Variants in NFAM1 observed in about 807,000 individuals in gnomAD.
NFAM1 encodes the protein NFAT activation molecule 1.
Under a neutral mutation model 29.0 loss-of-function variants are expected in NFAM1, and 17 were observed. That is an observed-to-expected ratio of 0.59 (90% CI 0.40 to 0.88). The LOEUF (loss-of-function observed/expected upper bound fraction) is 0.88. Among genes scored for constraint, NFAM1 ranks in the 40% least tolerant of loss-of-function variants. NFAM1 has a pLI of 0.00. For missense variants in NFAM1, 324 were observed against 344.6 expected, an observed-to-expected ratio of 0.94 and a Z score of 0.47; for synonymous variants, 175 against 147.2, an observed-to-expected ratio of 1.19 and a Z score of -1.36.
chr22:42,425,176 G>T (rs1025237474), intron 1 of NFAM1, among the ~76,000 whole-genome samples: 6 of 151,974 alleles, frequency 3.9e-5, no homozygotes, highest in Non-Finnish European at 5.9e-5. Flanking sequence ...ACAAACCTCG[G>T]CCCCCCAAAG....
chr22:42,429,531 G>A (rs1480891477), intron 1 of NFAM1, among the ~76,000 whole-genome samples: 2 of 152,170 alleles, frequency 1.3e-5, no homozygotes, highest in African/African-American at 4.8e-5. Context: ...CAGGAGAATC[G>A]CTTGAACCTG....
chr22:42,394,966 A>C (rs1353145077), intron 4 of NFAM1, among the ~76,000 whole-genome samples: 2 of 152,024 alleles, frequency 1.3e-5, no homozygotes, highest in Non-Finnish European at 1.5e-5. Context: ...AAAAATTAAA[A>C]AACTCAAAAC....
rs1366972687 is a variant in NFAM1, at chr22:42,394,992, A to C, written c.663+2866T>G. On this transcript the variant is annotated intron_variant, in intron 4 of 5. Transcript: ENST00000329021. ...AACTCAAAACCAGCCTGGGCAATAT[A>C]GTGAGACCTTGTCTCTACAAAAAAT... 3.3e-5 allele frequency among the ~76,000 whole-genome samples: 5 copies of C among 152,014 alleles called. No individual in the cohort carries two copies. The East Asian group carries it at 5.8e-4, about 18-fold the overall frequency.
At chr22:42,433,832 A>G (rs1930876820), upstream of NFAM1, among the ~76,000 whole-genome samples, 1 of 152,314 alleles carries the variant, frequency 6.6e-6, no homozygotes, top group Admixed American at 6.5e-5. Context: ...GCTTCACGCT[A>G]TTCCTGGCTC....
intron 1 of NFAM1, 54 bp downstream of exon 1, chr22:42,432,183 C>G: frequency 6.7e-7 from 1 of 1,483,492 alleles, no homozygotes; most frequent in Non-Finnish European, 9.2e-7. Flanking sequence ...GGATGAAAGC[C>G]GCTCTGATGT....
intron 3 of NFAM1, among the ~76,000 whole-genome samples, chr22:42,407,431 T>G (rs138859288): frequency 0.011 from 1,658 of 152,042 alleles, 37 homozygotes; most frequent in African/African-American, 0.038. Flanking sequence ...TGCACTGGTG[T>G]GATCTCAGCT....
chr22:42,435,501 C>A (rs1930917720), upstream of NFAM1, among the ~76,000 whole-genome samples: 1 of 152,020 alleles, frequency 6.6e-6, no homozygotes, highest in Non-Finnish European at 1.5e-5. Flanking sequence ...GCATGTGCCA[C>A]CACGCCCGGC....
chr22:42,403,192 G>C lies in NFAM1; in HGVS notation c.565-5236C>G, dbSNP rs534078374. ...AGCTCCTCTGTTTGGCATCCCCACT[G>C]GGGAAACCGAAGCCTGGAGCACCCA... On this transcript the variant is annotated intron_variant, in intron 3 of 5. Coordinates refer to ENST00000329021, the MANE Select transcript of NFAM1 (RefSeq NM_145912.8). 2.0e-5 allele frequency among the ~76,000 whole-genome samples: 3 copies of C among 152,172 alleles called. No individual in the cohort carries two copies. In the South Asian group the frequency reaches 6.2e-4, roughly 32 times the overall value.
the NFAM1 span, among the ~76,000 whole-genome samples, chr22:42,437,468 C>T: frequency 1.3e-5 from 2 of 152,250 alleles, no homozygotes; most frequent in East Asian, 1.9e-4. Flanking sequence ...TATTCCACGT[C>T]CACCATGTGC....
intron 1 of NFAM1, among the ~76,000 whole-genome samples, chr22:42,412,977 G>A (rs1930144675): frequency 6.6e-6 from 1 of 152,178 alleles, no homozygotes; most frequent in Admixed American, 6.5e-5. Context: ...CCCTGCCTGG[G>A]GGGCTCTAAC....
chr22:42,410,046 C>T (rs948786167), intron 2 of NFAM1, among the ~76,000 whole-genome samples: 8 of 152,164 alleles, frequency 5.3e-5, no homozygotes, highest in African/African-American at 1.9e-4. Context: ...TCCATCCATC[C>T]GACTGGCAAA....
intron 4 of NFAM1, among the ~76,000 whole-genome samples, chr22:42,394,076 C>A (rs1049427563): frequency 6.6e-6 from 1 of 152,140 alleles, no homozygotes; most frequent in Non-Finnish European, 1.5e-5. Context: ...GCTCTTGCTG[C>A]CCAGGCTGGA....
At chr22:42,426,981 G>T (rs545651568) in intron 1 of NFAM1, among the ~76,000 whole-genome samples, 1 of 152,088 alleles carries the variant, frequency 6.6e-6, no homozygotes, top group African/African-American at 2.4e-5. Flanking sequence ...GCACCCAGGC[G>T]GGGGGGCTCG....
chr22:42,434,176 G>A (rs577804766), upstream of NFAM1, among the ~76,000 whole-genome samples: 27 of 152,302 alleles, frequency 1.8e-4, no homozygotes, highest in African/African-American at 6.0e-4. Context: ...TGCACACCTG[G>A]TTTCCACGCT....
chr22:42,434,563 G>T (rs543266912), upstream of NFAM1, among the ~76,000 whole-genome samples: 3 of 152,192 alleles, frequency 2.0e-5, no homozygotes, highest in African/African-American at 4.8e-5. Context: ...CTGCGCTGTC[G>T]GGGCCTCGTG....
rs907164100 is a variant in NFAM1, at chr22:42,410,069, G to GC, written c.452-523dup. Among the ~76,000 whole-genome samples, 10 of 152,240 alleles carry GC rather than the reference G, an allele frequency of 6.6e-5. No individual in the cohort carries two copies. In the South Asian group the frequency reaches 2.1e-3, roughly 32 times the overall value. On this transcript the variant is annotated intron_variant, in intron 2 of 5. Coordinates refer to ENST00000329021, the MANE Select transcript of NFAM1 (RefSeq NM_145912.8). ...TCCGACTGGCAAAAACACACGGAGTGCCAACCACATGCCAGGCACATGAGC... is the reference window on the plus strand; with the variant it reads ...TCCGACTGGCAAAAACACACGGAGTGCCCAACCACATGCCAGGCACATGAGC...
chr22:42,400,063 G>C (rs967051483), intron 3 of NFAM1, among the ~76,000 whole-genome samples: 1 of 152,176 alleles, frequency 6.6e-6, no homozygotes, highest in Non-Finnish European at 1.5e-5. Context: ...CTCAGAGAAG[G>C]CAGGTGACTT....
At chr22:42,431,003 G>A (rs1186216740) in intron 1 of NFAM1, among the ~76,000 whole-genome samples, 1 of 152,202 alleles carries the variant, frequency 6.6e-6, no homozygotes. Flanking sequence ...TAGGGCTCTG[G>A]GCTGCAGCCT....
rs1928903972 is a variant in NFAM1, at chr22:42,380,446, T to G, written c.*4715A>C. The G allele has an allele frequency of 6.6e-6, 1 of 152,332 alleles. No homozygotes were observed. Among genetic ancestry groups the G allele is most frequent in the African/African-American group, 2.4e-5 (1 of 41,464 alleles). The allele number at this position is 152,332 out of a possible 1,614,324, so 9.4% of individuals were successfully genotyped here. On this transcript the variant is annotated 3_prime_UTR_variant, in exon 6 of 6. Coordinates refer to ENST00000329021, the MANE Select transcript of NFAM1 (RefSeq NM_145912.8). ...AGTTTTAATGTTTCACTGTAACATA[T>G]GCTTCTGTCACCCACATATGTCACC...
Sources: allele counts gnomAD v4.1 joint callset (sites outside exome capture counted in the v4.1 genomes callset), GRCh38; gene constraint gnomAD v4.1.1; transcripts MANE v1.5; gene names NCBI Gene and HGNC (gene_info 2026-07-23, HGNC 2026-07-21).